Variants in GOLM2 observed in about 807,000 individuals in gnomAD.
GOLM2 encodes the protein golgi membrane protein 2, also known as protein GOLM2.
Under a neutral mutation model 55.9 loss-of-function variants are expected in GOLM2, and 26 were observed. The observed-to-expected ratio is 0.47, with a 90% CI of 0.34 to 0.65. The LOEUF (loss-of-function observed/expected upper bound fraction) is 0.65, where lower values mean the gene tolerates loss of function less well. Ranked by LOEUF, GOLM2 falls within the 30% of genes least tolerant of loss-of-function variation. The pLI is 0.01. For missense variants in GOLM2, 486 were observed against 531.8 expected (o/e 0.91, Z 0.85); for synonymous variants, 165 against 194.6 (o/e 0.85, Z 1.27).
chr15:44,288,866 C>T lies in GOLM2; in HGVS notation c.-164C>T, dbSNP rs930375844. On this transcript the variant is annotated 5_prime_UTR_variant, in exon 1 of 10. Coordinates refer to ENST00000299957, the MANE Select transcript of GOLM2 (RefSeq NM_138423.4). Reference sequence around the variant, plus strand: ...GAGGGGGGCGGGGAGGGACCTGCGGCTTGCGGCCCCGCCCCCTTCTCCGGC... The same window carrying T: ...GAGGGGGGCGGGGAGGGACCTGCGGTTTGCGGCCCCGCCCCCTTCTCCGGC... 1.6e-6 allele frequency: 1 copy of T among 633,300 alleles called. No individual in the cohort carries two copies. Among genetic ancestry groups the T allele is most frequent in the South Asian group, 2.0e-5 (1 of 50,416 alleles). The allele number at this position is 633,300 out of a possible 1,614,324, so 39.2% of individuals were successfully genotyped here.
At chr15:44,368,445 A>G (rs2079301468) in intron 6 of GOLM2, among the ~76,000 whole-genome samples, 1 of 151,676 alleles carries the variant, frequency 6.6e-6, no homozygotes, top group African/African-American at 2.4e-5. Flanking sequence ...TATTATCCCA[A>G]ACATCACTGA....
rs755808011 is a variant in GOLM2 at position 44,337,829 on chromosome 15, A to G, written c.643A>G (p.Lys215Glu). 1.2e-6 allele frequency: 2 copies of G among 1,605,956 alleles called. No homozygotes were observed. The highest frequency in any genetic ancestry group is 4.5e-5 in the East Asian group (2 of 44,510). ...ELDINNQVVP[K>E]NIPKVAENVA... ...GGATATAAACAATCAAGTAGTACCT[A>G]AAAATATTCCAAAAGTAGCTGAGAA... is the stretch of plus-strand genomic sequence containing the variant. Residue 215 changes from lysine (K) to glutamate (E), a missense_variant, in exon 5 of 10, where the codon AAA (lysine) becomes GAA (glutamate). Coordinates refer to ENST00000299957, the MANE Select transcript of GOLM2 (RefSeq NM_138423.4).
intron 1 of GOLM2, among the ~76,000 whole-genome samples, chr15:44,312,262 C>G (rs1483197125): frequency 3.3e-5 from 5 of 152,156 alleles, no homozygotes; most frequent in Non-Finnish European, 7.4e-5. Context: ...GATCAGCAAA[C>G]TCAACTGGGT....
At chr15:44,389,345 C>G (rs1375444900) in intron 8 of GOLM2, among the ~76,000 whole-genome samples, 1 of 151,992 alleles carries the variant, frequency 6.6e-6, no homozygotes, top group African/African-American at 2.4e-5. Context: ...GCCTGGCCAA[C>G]ATGGCAGAAC....
At chr15:44,323,702 A>G (rs761368333) in intron 2 of GOLM2, among the ~76,000 whole-genome samples, 1 of 152,036 alleles carries the variant, frequency 6.6e-6, no homozygotes, top group Non-Finnish European at 1.5e-5. Flanking sequence ...AAAATTTTGC[A>G]TGCATTGTCT....
At chr15:44,371,690 G>A (rs1210936033) in intron 6 of GOLM2, among the ~76,000 whole-genome samples, 3 of 152,144 alleles carry the variant, frequency 2.0e-5, no homozygotes, top group African/African-American at 4.8e-5. Context: ...CTGAGTTTCA[G>A]TAACTTTCCA....
At chr15:44,344,455 T>C (rs1337788814) in intron 6 of GOLM2, among the ~76,000 whole-genome samples, 2 of 152,088 alleles carry the variant, frequency 1.3e-5, no homozygotes, top group African/African-American at 2.4e-5. Flanking sequence ...GCCAAGACTT[T>C]ACAGGAACTT....
chr15:44,332,973 G>A (rs935972183), intron 4 of GOLM2, among the ~76,000 whole-genome samples: 20 of 151,918 alleles, frequency 1.3e-4, no homozygotes, highest in African/African-American at 3.1e-4. Context: ...TCGCTCTGTC[G>A]CCCAGCTAGA....
At chr15:44,342,091 A>C (rs1396554951) in intron 6 of GOLM2, among the ~76,000 whole-genome samples, 1 of 152,144 alleles carries the variant, frequency 6.6e-6, no homozygotes, top group Non-Finnish European at 1.5e-5. Context: ...TGCCATATGC[A>C]ACTTACATGG....
At chr15:44,384,772 G>T (rs985671684) in intron 8 of GOLM2, among the ~76,000 whole-genome samples, 25 of 151,972 alleles carry the variant, frequency 1.6e-4, no homozygotes, top group Non-Finnish European at 2.9e-4. Context: ...AGCTGGGCGT[G>T]GTGGCGCATG....
Position 44,306,766 on chromosome 15 carries a change from G to C in GOLM2, c.328-16199G>C, listed in dbSNP as rs573723211. On this transcript the variant is annotated intron_variant, in intron 1 of 9. Coordinates refer to ENST00000299957, the MANE Select transcript of GOLM2 (RefSeq NM_138423.4). ...CAGGAAATAGGGAAGCCTGAGGAGA[G>C]GAAGAGAGATGGGGGAATGGTTATT... is the stretch of plus-strand genomic sequence containing the variant. 5.2e-4 allele frequency among the ~76,000 whole-genome samples: 79 copies of C among 152,304 alleles called. 1 individual carries two copies. The South Asian group carries it at 8.1e-3, about 16-fold the overall frequency.
chr15:44,379,656 T>G, intron 6 of GOLM2, 34 bp from the exon 7 acceptor site: 1 of 601,044 alleles, frequency 1.7e-6, no homozygotes. Context: ...ATAGTATCAA[T>G]GGGAATAATA....
At chr15:44,330,824 G>A (rs80215245) in intron 3 of GOLM2, among the ~76,000 whole-genome samples, 7,837 of 152,212 alleles carry the variant, frequency 0.051, 320 homozygotes, top group East Asian at 0.19. Flanking sequence ...TGATTTACCA[G>A]TTTTGTTGCT....
At chr15:44,358,385 G>A (rs186457719) in intron 6 of GOLM2, among the ~76,000 whole-genome samples, 1 of 152,184 alleles carries the variant, frequency 6.6e-6, no homozygotes, top group East Asian at 1.9e-4. Context: ...TTTATATAGA[G>A]AAGCAAAACA....
intron 1 of GOLM2, among the ~76,000 whole-genome samples, chr15:44,292,199 A>AT (rs1369697887): frequency 5.8e-5 from 8 of 137,392 alleles, no homozygotes; most frequent in African/African-American, 2.2e-4. Flanking sequence ...ATATATATAT[A>AT]TATTTTTTTT....
intron 1 of GOLM2, among the ~76,000 whole-genome samples, chr15:44,321,115 A>T (rs1595624620): frequency 6.6e-6 from 1 of 151,792 alleles, no homozygotes; most frequent in South Asian, 2.1e-4. Context: ...TAGTTGTTTT[A>T]TACTTTCCCA....
At chr15:44,366,296 CAAA>C (rs34413737) in intron 6 of GOLM2, among the ~76,000 whole-genome samples, 6 of 55,496 alleles carry the variant, frequency 1.1e-4, no homozygotes, top group Admixed American at 1.9e-4. Context: ...GACTCCGTCT[CAAA>C]AAAAAAAAAA....
chr15:44,327,309 C>A (rs1481798042), intron 2 of GOLM2, among the ~76,000 whole-genome samples: 2 of 149,980 alleles, frequency 1.3e-5, no homozygotes, highest in Admixed American at 6.7e-5. Context: ...AATCCCAGCA[C>A]TTTGGGAGAT....
chr15:44,300,161 G>A (rs1301416244), intron 1 of GOLM2, among the ~76,000 whole-genome samples: 3 of 146,592 alleles, frequency 2.0e-5, no homozygotes, highest in African/African-American at 7.6e-5. Context: ...GAGGAGGAAA[G>A]AGAAGGAAGG....
Sources: allele counts gnomAD v4.1 joint callset (sites outside exome capture counted in the v4.1 genomes callset), GRCh38; gene constraint gnomAD v4.1.1; transcripts MANE v1.5; gene names NCBI Gene and HGNC (gene_info 2026-07-23, HGNC 2026-07-21).